Variants in NLGN1 observed in about 807,000 individuals in gnomAD.
NLGN1 encodes the protein neuroligin-1.
NLGN1 carries 12 observed loss-of-function variants against 65.5 expected under a neutral mutation model. The ratio of observed to expected loss-of-function variants is 0.18; its 90% CI spans 0.12 to 0.30. The LOEUF (loss-of-function observed/expected upper bound fraction) is 0.30, where lower values mean the gene tolerates loss of function less well. NLGN1 is among the 10% of genes least tolerant of loss of function. The pLI is 1.00. For synonymous variants in NLGN1, 350 were observed against 359.5 expected (o/e 0.97, Z 0.30); for missense variants, 750 against 1,007.1 (o/e 0.74, Z 3.46).
chr3:173,720,919 A>G (rs757438510), intron 3 of NLGN1, among the ~76,000 whole-genome samples: 7 of 152,198 alleles, frequency 4.6e-5, no homozygotes, highest in Non-Finnish European at 8.8e-5. Flanking sequence ...GATGAGGAGA[A>G]GTAAAGAGTA....
At chr3:173,689,893 C>T (rs920545975) in intron 3 of NLGN1, among the ~76,000 whole-genome samples, 8 of 151,906 alleles carry the variant, frequency 5.3e-5, no homozygotes, top group African/African-American at 1.5e-4. Flanking sequence ...TTCTATGGAG[C>T]CCATGTTCTA....
intron 3 of NLGN1, among the ~76,000 whole-genome samples, chr3:173,609,978 G>T (rs1264599449): frequency 6.6e-6 from 1 of 151,818 alleles, no homozygotes; most frequent in Non-Finnish European, 1.5e-5. Context: ...TGGAAAGGGG[G>T]AAAAGAGAGA....
intron 4 of NLGN1, among the ~76,000 whole-genome samples, chr3:174,211,449 A>G (rs1397057371): frequency 1.3e-5 from 2 of 152,050 alleles, no homozygotes; most frequent in African/African-American, 2.4e-5. Flanking sequence ...GCAGCTAGAT[A>G]CAGAGTGTCG....
chr3:174,026,439 T>A (rs1228261284), intron 4 of NLGN1, among the ~76,000 whole-genome samples: 2 of 152,164 alleles, frequency 1.3e-5, no homozygotes, highest in African/African-American at 2.4e-5. Context: ...ATGATTTTTT[T>A]AAATCCTAAT....
intron 3 of NLGN1, among the ~76,000 whole-genome samples, chr3:173,762,965 T>TACACACACACACACAC (rs111427276): frequency 0.022 from 3,214 of 143,290 alleles, 84 homozygotes; most frequent in African/African-American, 0.054. Flanking sequence ...TTGTCTCTGA[T>TACACACACACACACAC]ACACACACAC....
chr3:173,668,870 C>T (rs1004514631), intron 3 of NLGN1, among the ~76,000 whole-genome samples: 3 of 151,956 alleles, frequency 2.0e-5, no homozygotes, highest in Non-Finnish European at 4.4e-5. Flanking sequence ...GTGATCCGCC[C>T]GCCTCGGCCT....
chr3:173,571,196 G>T (rs1035549165), intron 2 of NLGN1, among the ~76,000 whole-genome samples: 1 of 152,192 alleles, frequency 6.6e-6, no homozygotes, highest in Non-Finnish European at 1.5e-5. Flanking sequence ...TGGCCATAGG[G>T]AGCCAATTTT....
chr3:174,208,777 G>T (rs2152786962), intron 4 of NLGN1, among the ~76,000 whole-genome samples: 1 of 152,232 alleles, frequency 6.6e-6, no homozygotes, highest in African/African-American at 2.4e-5. Context: ...ATCATCAGCA[G>T]ACCTAAAAGA....
chr3:173,678,886 A>T (rs1763543421), intron 3 of NLGN1, among the ~76,000 whole-genome samples: 1 of 152,140 alleles, frequency 6.6e-6, no homozygotes, highest in Non-Finnish European at 1.5e-5. Context: ...TATTTTATAG[A>T]CATTTAGGAG....
intron 3 of NLGN1, among the ~76,000 whole-genome samples, chr3:173,608,382 C>T (rs1205438509): frequency 6.6e-6 from 1 of 151,758 alleles, no homozygotes; most frequent in Admixed American, 6.6e-5. Flanking sequence ...AGATGATTTT[C>T]AACACTTGAA....
chr3:173,948,150 A>G (rs1747531464), intron 4 of NLGN1, among the ~76,000 whole-genome samples: 1 of 152,318 alleles, frequency 6.6e-6, no homozygotes, highest in African/African-American at 2.4e-5. Context: ...CTATCTTCAA[A>G]CCACAGGTTT....
chr3:173,964,076 T>C (rs1052846022), intron 4 of NLGN1, among the ~76,000 whole-genome samples: 1 of 152,098 alleles, frequency 6.6e-6, no homozygotes, highest in Non-Finnish European at 1.5e-5. Flanking sequence ...GATTAAAAGA[T>C]CAGTAGCTAG....
intron 4 of NLGN1, among the ~76,000 whole-genome samples, chr3:173,901,696 C>G (rs1397129926): frequency 1.3e-5 from 2 of 151,942 alleles, no homozygotes; most frequent in Non-Finnish European, 2.9e-5. Context: ...ATTTTGGAAA[C>G]TTTATTGGGA....
chr3:174,138,136 A>C (rs1721555755), intron 4 of NLGN1, among the ~76,000 whole-genome samples: 2 of 152,288 alleles, frequency 1.3e-5, no homozygotes, highest in East Asian at 3.9e-4. Flanking sequence ...AAAACTTGGC[A>C]TTGGGGTAAA....
chr3:174,038,949 G>A (rs890288216), intron 4 of NLGN1, among the ~76,000 whole-genome samples: 2 of 152,112 alleles, frequency 1.3e-5, no homozygotes, highest in Admixed American at 6.5e-5. Context: ...CTATTTTGTA[G>A]TTTGAATTGT....
At chr3:173,732,730 G>A (rs1057297961) in intron 3 of NLGN1, among the ~76,000 whole-genome samples, 2 of 152,046 alleles carry the variant, frequency 1.3e-5, no homozygotes, top group Non-Finnish European at 2.9e-5. Context: ...CATTGTTGAA[G>A]AACTGGAAAA....
At chr3:173,441,815 T>C (rs571746621) in intron 2 of NLGN1, among the ~76,000 whole-genome samples, 1 of 152,278 alleles carries the variant, frequency 6.6e-6, no homozygotes, top group South Asian at 2.1e-4. Flanking sequence ...GCCATAAACT[T>C]CCAATTTGTG....
At chr3:173,460,880 G>A (rs544809457) in intron 2 of NLGN1, among the ~76,000 whole-genome samples, 1 of 152,254 alleles carries the variant, frequency 6.6e-6, no homozygotes, top group Non-Finnish European at 1.5e-5. Flanking sequence ...AGTGTGAAGA[G>A]CTGCCTAGGG....
At chr3:173,752,349 T>C (rs1776418373) in intron 3 of NLGN1, among the ~76,000 whole-genome samples, 1 of 152,192 alleles carries the variant, frequency 6.6e-6, no homozygotes, top group Non-Finnish European at 1.5e-5. Context: ...ATCAGTTGTT[T>C]ACACCCACTG....
Sources: gnomAD v4.1 joint callset for allele counts (sites outside exome capture counted in the v4.1 genomes callset) on GRCh38, gnomAD v4.1.1 for gene constraint, MANE v1.5 for transcripts, NCBI Gene and HGNC (gene_info 2026-07-23, HGNC 2026-07-21) for gene names.